Variants in ARAP1 observed in about 807,000 individuals in gnomAD.
The protein encoded by ARAP1 is arf-GAP with Rho-GAP domain, ANK repeat and PH domain-containing protein 1.
In ARAP1, 76 loss-of-function variants were observed where a neutral mutation model predicts 172.2. That is an observed-to-expected ratio of 0.44 (90% confidence interval 0.37 to 0.53). ARAP1 has a LOEUF of 0.53. Among genes scored for constraint, ARAP1 ranks in the 20% least tolerant of loss-of-function variants. The probability of loss-of-function intolerance (pLI) is 0.00; values close to 1 mark genes in which losing one functional copy is unlikely to be tolerated. For synonymous variants in ARAP1, 804 were observed against 803.3 expected (o/e 1.00, Z -0.01); for missense variants, 1,686 against 1,977.5 (o/e 0.85, Z 2.80).
At chr11:72,686,925 T>A (rs977849226) in intron 33 of ARAP1, among the ~76,000 whole-genome samples, 2 of 152,198 alleles carry the variant, frequency 1.3e-5, no homozygotes, top group Non-Finnish European at 2.9e-5. Context: ...AAGCCTCTTC[T>A]GAGATTCTGC....
At chr11:72,701,598 C>T (rs377202157) in intron 16 of ARAP1, 51 bp downstream of exon 16, 2 of 1,577,940 alleles carry the variant, frequency 1.3e-6, no homozygotes, top group Non-Finnish European at 1.7e-6. Flanking sequence ...CCTAGCCCTG[C>T]AGCCGTGACC....
At chr11:72,751,332 G>A (rs1315357183) in intron 1 of ARAP1, among the ~76,000 whole-genome samples, 4 of 152,096 alleles carry the variant, frequency 2.6e-5, no homozygotes, top group Non-Finnish European at 5.9e-5. Context: ...CTACGCCCTC[G>A]CCTTTGGAGG....
chr11:72,734,577 A>G (rs1250140009), intron 1 of ARAP1, among the ~76,000 whole-genome samples: 5 of 152,234 alleles, frequency 3.3e-5, no homozygotes, highest in Non-Finnish European at 5.9e-5. Context: ...AGTACTTTAT[A>G]TTAACTCATT....
At chr11:72,731,266 AAATTTC>A (rs1677076595) in intron 2 of ARAP1, among the ~76,000 whole-genome samples, 1 of 152,198 alleles carries the variant, frequency 6.6e-6, no homozygotes, top group Non-Finnish European at 1.5e-5. Flanking sequence ...TGTCCCCTCC[AAATTTC>A]ATGTTGAAAT....
chr11:72,696,359 G>A (rs1268927068), intron 23 of ARAP1, among the ~76,000 whole-genome samples, 190 bp downstream of exon 23: 2 of 152,188 alleles, frequency 1.3e-5, no homozygotes, highest in South Asian at 2.1e-4. Flanking sequence ...AACAGGCCAC[G>A]AACCTGTACT....
Position 72,695,329 on chromosome 11 carries a change from C to A in ARAP1, c.3576+58G>T. 1 of 1,608,246 alleles carries A rather than the reference C, an allele frequency of 6.2e-7. No individual in the cohort carries two copies. The highest frequency in any genetic ancestry group is 1.7e-4 in the Middle Eastern group (1 of 5,912). On this transcript the variant is annotated intron_variant, in intron 26 of 34. Transcript: ENST00000393609. The surrounding 1 kb of genome is among the most constrained non-coding windows in gnomAD (Gnocchi z 4.4). ...AGCACTGCTCCCCTGGCCATCTGAG[C>A]CTGTACCTGGCCCAGCCTGATTCTC...
Position 72,748,292 on chromosome 11 carries a change from C to T in ARAP1, c.-128+4036G>A, listed in dbSNP as rs187965187. Among the ~76,000 whole-genome samples, 43 of 152,244 alleles carry T rather than the reference C, an allele frequency of 2.8e-4. No individual in the cohort carries two copies. The East Asian group carries it at 6.7e-3, about 24-fold the overall frequency. On this transcript the variant is annotated intron_variant, in intron 1 of 34. Coordinates refer to ENST00000393609, the MANE Select transcript of ARAP1 (RefSeq NM_001040118.3). ...ATCCCAGCACTTTGGGAGGCCAAGG[C>T]GGGCGGATCACGAGGTCAGGAGTTC... is the stretch of plus-strand genomic sequence containing the variant.
intron 30 of ARAP1, among the ~76,000 whole-genome samples, chr11:72,691,240 T>C (rs1193065550): frequency 1.3e-5 from 2 of 152,236 alleles, no homozygotes; most frequent in Non-Finnish European, 1.5e-5. Context: ...GTAGTAAGGA[T>C]TCCATGTCTC....
rs1380747679 is a variant in ARAP1 at position 72,692,783 on chromosome 11, G to A, written c.3957C>T (p.Ser1319=). ...CAGGGGCCCCGCTCCACGGCCTCTGGCTCTGTTTGATAGAGGATCAGGGTT... is the reference window on the plus strand; with the variant it reads ...CAGGGGCCCCGCTCCACGGCCTCTGACTCTGTTTGATAGAGGATCAGGGTT... ...SCLRLYKEVR[S]QRPWSGAPET... The change falls in exon 30 of 35, where the codon AGC becomes AGT. Residue 1319 remains serine, a splice_region_variant and synonymous_variant. Transcript: ENST00000393609. 3 of 1,613,434 alleles carry A rather than the reference G, an allele frequency of 1.9e-6. No individual in the cohort carries two copies. The highest frequency in any genetic ancestry group is 8.5e-7 in the Non-Finnish European group (1 of 1,179,976).
chr11:72,716,551 C>T (rs566341124), intron 3 of ARAP1, among the ~76,000 whole-genome samples: 58 of 152,380 alleles, frequency 3.8e-4, no homozygotes, highest in Middle Eastern at 3.4e-3. Context: ...GTAGAGAAAC[C>T]GGAGCTTTGA....
At position 72,705,814 on chromosome 11, in the gene ARAP1, T is replaced by C; in HGVS notation, c.1800A>G (p.Thr600=). 1 of 1,613,976 alleles carries C rather than the reference T, an allele frequency of 6.2e-7. No individual in the cohort carries two copies. The highest frequency in any genetic ancestry group is 8.5e-7 in the Non-Finnish European group (1 of 1,179,938). Residue 600 remains threonine, a synonymous_variant, in exon 13 of 35, where the codon ACA becomes ACG. Coordinates refer to ENST00000393609, the MANE Select transcript of ARAP1 (RefSeq NM_001040118.3). The part of the protein sequence containing the change: ...LKMDRKVWTE[T]LIELFLQLGN... ...GCAGGGGCATCCCCACCTCGATAAG[T>C]GTTTCTGTCCACACCTTCCTGTCCA...
Position 72,698,005 on chromosome 11 carries a change from C to T in ARAP1, c.2643G>A (p.Glu881=). The part of the protein sequence containing the change: ...KAGLSLQRAQ[E]GWFSLSGSEL... ...CCGAGCCACTGAGAGAGAACCAGCC[C>T]TCCTGGGCCCGCTGTAGGCTCAGGC... Residue 881 remains glutamate, a synonymous_variant, in exon 19 of 35, where the codon GAG becomes GAA. Coordinates refer to ENST00000393609, the MANE Select transcript of ARAP1 (RefSeq NM_001040118.3). 1 of 1,611,708 alleles carries T rather than the reference C, an allele frequency of 6.2e-7. No individual in the cohort carries two copies. Among genetic ancestry groups the T allele is most frequent in the Non-Finnish European group, 8.5e-7 (1 of 1,179,100 alleles).
At chr11:72,704,442 C>A in intron 13 of ARAP1, 108 bp from the exon 14 acceptor site, 1 of 1,237,778 alleles carries the variant, frequency 8.1e-7, no homozygotes, top group Non-Finnish European at 1.1e-6. Context: ...AGAGCCAGGC[C>A]ATCTGCCCAC....
chr11:72,716,175 A>G (rs1233416945), intron 3 of ARAP1, among the ~76,000 whole-genome samples: 1 of 117,698 alleles, frequency 8.5e-6, no homozygotes, highest in Non-Finnish European at 2.1e-5. Flanking sequence ...TCCGTCTCAA[A>G]AAAAAAAAAA....
chr11:72,741,371 C>A lies in ARAP1; in HGVS notation c.-127-8774G>T, dbSNP rs1858193980. ...CCACTCTCCCAGTCCTCACCCTCGG[C>A]CTAGCTCAGGCCCTTCCCACTTAGA... On this transcript the variant is annotated intron_variant, in intron 1 of 34. Coordinates refer to ENST00000393609, the MANE Select transcript of ARAP1 (RefSeq NM_001040118.3). This position sits in a 1 kb window ranked among gnomAD's most constrained non-coding sequence, Gnocchi z 4.5. 6.6e-6 allele frequency among the ~76,000 whole-genome samples: 1 copy of A among 152,180 alleles called. No individual in the cohort carries two copies. Among genetic ancestry groups the A allele is most frequent in the Non-Finnish European group, 1.5e-5 (1 of 68,028 alleles).
Position 72,725,317 on chromosome 11 carries a change from TC to T in ARAP1, c.509+1302del, listed in dbSNP as rs1382493760. ...TAACCTCTCTCTCTCTCTCTCTCTC[TC>T]TTTTTCTCTCTCTCTCTCCCCCCCA... On this transcript the variant is annotated intron_variant, in intron 3 of 34. Transcript: ENST00000393609. This position sits in a 1 kb window ranked among gnomAD's most constrained non-coding sequence, Gnocchi z 4.3. 7.2e-5 allele frequency among the ~76,000 whole-genome samples: 11 copies of T among 151,804 alleles called. No individual in the cohort carries two copies. Among genetic ancestry groups the T allele is most frequent in the African/African-American group, 1.7e-4 (7 of 41,304 alleles).
At chr11:72,708,428 AG>A (rs1856860450) in intron 11 of ARAP1, 1 of 153,100 alleles carries the variant, frequency 6.5e-6, no homozygotes, top group East Asian at 1.9e-4. Flanking sequence ...CAAGAAACCC[AG>A]GAACGGACAG....
chr11:72,686,330 G>C (rs562734334), intron 33 of ARAP1, 139 bp from the exon 34 acceptor site: 2 of 1,178,544 alleles, frequency 1.7e-6, no homozygotes, highest in African/African-American at 3.1e-5. Context: ...GCCGATATGA[G>C]AAGCAGCTGT....
intron 13 of ARAP1, 58 bp from the exon 14 acceptor site, chr11:72,704,392 C>T: frequency 1.4e-6 from 2 of 1,477,444 alleles, no homozygotes; most frequent in Non-Finnish European, 1.8e-6. Context: ...CCGTGCCGGG[C>T]AGAAACTTGG....
Sources: gnomAD v4.1 joint callset for allele counts (sites outside exome capture counted in the v4.1 genomes callset) on GRCh38, gnomAD v4.1.1 for gene constraint, Gnocchi (gnomAD v3.1) non-coding constraint, MANE v1.5 for transcripts, NCBI Gene and HGNC (gene_info 2026-07-23, HGNC 2026-07-21) for gene names.